The following ANKRD30A variants were observed in gnomAD, a reference collection of about 807,000 sequenced individuals.
ANKRD30A encodes ankyrin repeat domain 30A.
ANKRD30A carries 170 observed loss-of-function variants against 166.3 expected under a neutral mutation model. The ratio of observed to expected loss-of-function variants is 1.02; its 90% CI spans 0.90 to 1.16. The LOEUF is 1.16. Ranked by LOEUF, ANKRD30A falls within the 50% of genes most tolerant of loss-of-function variation. The pLI, the probability that ANKRD30A is intolerant of heterozygous loss-of-function variation, is 0.00. For missense variants in ANKRD30A, 1,630 were observed against 1,518.0 expected (o/e 1.07, Z -1.23); for synonymous variants, 564 against 508.9 (o/e 1.11, Z -1.46).
At position 37,162,820 on chromosome 10, in the gene ANKRD30A, A is replaced by T. The variant is rs1839036536; in HGVS notation, c.1974A>T (p.Glu658Asp). ...MQKSVPNKAL[E>D]LKNEQTLRAD... ...AGTCTGTCCCAAATAAAGCCTTGGAATTGAAAAATGAACAAACATTGAGAG... is the reference window on the plus strand; with the variant it reads ...AGTCTGTCCCAAATAAAGCCTTGGATTTGAAAAATGAACAAACATTGAGAG... Residue 658 changes from glutamate to aspartate, a missense_variant, in exon 17 of 36, where the codon GAA becomes GAT. Glu to Asp is a conservative substitution (Grantham distance 45, BLOSUM62 2). This residue lies in a region of ANKRD30A where 904 missense variants were observed against 818.5 expected (regional missense o/e 1.10). Transcript: ENST00000361713. 1 of 1,613,710 alleles carries T rather than the reference A, an allele frequency of 6.2e-7. No homozygotes were observed. The highest frequency in any genetic ancestry group is 2.2e-5 in the East Asian group (1 of 44,852).
At chr10:37,162,905 T>C (rs1588841077) in intron 17 of ANKRD30A, 57 bp downstream of exon 17, 2 of 1,579,998 alleles carry the variant, frequency 1.3e-6, no homozygotes, top group Non-Finnish European at 1.7e-6. Context: ...GACATTTTGA[T>C]GGTCTTTCTG....
chr10:37,148,817 A>G (rs1196791179), intron 9 of ANKRD30A, among the ~76,000 whole-genome samples: 13 of 152,110 alleles, frequency 8.5e-5, no homozygotes, highest in Non-Finnish European at 1.9e-4. Context: ...TTTTGGTAAA[A>G]TTGTCATTCC....
At chr10:37,254,017 C>T in the ANKRD30A span, among the ~76,000 whole-genome samples, 1 of 152,124 alleles carries the variant, frequency 6.6e-6, no homozygotes, top group Non-Finnish European at 1.5e-5. Context: ...TGTTTATGAC[C>T]TAATAAGTTT....
At chr10:37,238,853 C>T in the ANKRD30A span, among the ~76,000 whole-genome samples, 3 of 152,072 alleles carry the variant, frequency 2.0e-5, no homozygotes, top group African/African-American at 7.2e-5. Context: ...ATTTCCTTTA[C>T]AAGACCTCTC....
chr10:37,258,962 C>CAAAAAAAAA, the ANKRD30A span, among the ~76,000 whole-genome samples: 3 of 45,554 alleles, frequency 6.6e-5, no homozygotes, highest in Non-Finnish European at 1.3e-4. Flanking sequence ...GACTCCATCT[C>CAAAAAAAAA]AAAAAAAAAA....
chr10:37,202,260 A>C (rs933955113), intron 31 of ANKRD30A, among the ~76,000 whole-genome samples: 1 of 152,184 alleles, frequency 6.6e-6, no homozygotes, highest in Admixed American at 6.5e-5. Flanking sequence ...CAGCAAATGT[A>C]AAAGAACAGA....
chr10:37,236,019 C>T (rs1024291896), downstream of ANKRD30A, among the ~76,000 whole-genome samples: 17 of 152,096 alleles, frequency 1.1e-4, no homozygotes, highest in East Asian at 3.9e-4. Flanking sequence ...CTGCCTGCCT[C>T]GGCCTCCCAA....
At chr10:37,160,780 T>G (rs545998646) in intron 15 of ANKRD30A, among the ~76,000 whole-genome samples, 10 of 152,298 alleles carry the variant, frequency 6.6e-5, no homozygotes, top group Admixed American at 1.3e-4. Flanking sequence ...ATGGTCTCAT[T>G]TCTCATATAA....
chr10:37,131,799 T>C (rs1386351186), intron 3 of ANKRD30A, among the ~76,000 whole-genome samples: 1 of 152,210 alleles, frequency 6.6e-6, no homozygotes, highest in Non-Finnish European at 1.5e-5. Flanking sequence ...TTCTTGAACA[T>C]AGATAATGGT....
chr10:37,198,717 C>T (rs1194611711), intron 29 of ANKRD30A, among the ~76,000 whole-genome samples: 5 of 152,128 alleles, frequency 3.3e-5, no homozygotes, highest in South Asian at 2.1e-4. Context: ...GAAATATGAA[C>T]GTTAGCTATG....
At chr10:37,201,459 T>C in intron 31 of ANKRD30A, 134 bp downstream of exon 31, 1 of 572,822 alleles carries the variant, frequency 1.7e-6, no homozygotes, top group Non-Finnish European at 2.8e-6. Context: ...AGTGCAATGG[T>C]CATAAGTTAT....
intron 1 of ANKRD30A, among the ~76,000 whole-genome samples, chr10:37,127,368 C>T (rs1255368903): frequency 6.6e-6 from 1 of 152,006 alleles, no homozygotes; most frequent in African/African-American, 2.4e-5. Context: ...TACACAGATA[C>T]ATTTTTATCT....
the ANKRD30A span, among the ~76,000 whole-genome samples, chr10:37,240,134 G>T: frequency 8.6e-5 from 13 of 151,928 alleles, no homozygotes; most frequent in Admixed American, 5.2e-4. Context: ...AATTATTTTT[G>T]TACACATATT....
intron 27 of ANKRD30A, among the ~76,000 whole-genome samples, chr10:37,193,807 G>C (rs182430847): frequency 2.0e-5 from 3 of 152,114 alleles, no homozygotes; most frequent in East Asian, 1.9e-4. Flanking sequence ...AAAGCATTTG[G>C]CCTTGGTGTC....
chr10:37,192,116 A>C (rs535292071), intron 25 of ANKRD30A, among the ~76,000 whole-genome samples: 102 of 152,044 alleles, frequency 6.7e-4, no homozygotes, highest in East Asian at 3.9e-3. Context: ...GGCTCACTGC[A>C]ACCTCCACCT....
rs150128636 is a variant in ANKRD30A, at chr10:37,161,270, G to A, written c.1901-1379G>A. Among the ~76,000 whole-genome samples the A allele has an allele frequency of 2.8e-4, 42 of 152,176 alleles. No homozygotes were observed. The East Asian group carries it at 8.1e-3, about 29-fold the overall frequency. On this transcript the variant is annotated intron_variant, in intron 15 of 35. Transcript: ENST00000361713. ...CAAGACATAACATGGTCAGGAGAAT[G>A]CATTATATTGCTTTTATTTCTGGGT... is the stretch of plus-strand genomic sequence containing the variant.
downstream of ANKRD30A, among the ~76,000 whole-genome samples, chr10:37,237,378 T>A (rs1235260684): frequency 6.6e-6 from 1 of 152,162 alleles, no homozygotes; most frequent in Non-Finnish European, 1.5e-5. Context: ...TGCAACCATA[T>A]TATATAAAAC....
chr10:37,183,082 G>A (rs1348926853), intron 24 of ANKRD30A, among the ~76,000 whole-genome samples: 2 of 149,032 alleles, frequency 1.3e-5, no homozygotes, highest in Non-Finnish European at 3.0e-5. Flanking sequence ...ACTAAAAGTC[G>A]ACATTAAATG....
chr10:37,206,232 G>C (rs1841984535), intron 31 of ANKRD30A, among the ~76,000 whole-genome samples: 1 of 152,078 alleles, frequency 6.6e-6, no homozygotes, highest in African/African-American at 2.4e-5. Context: ...ACTTAATTTT[G>C]AGGTTTCTGA....
Sources: gnomAD v4.1 joint callset for allele counts (sites outside exome capture counted in the v4.1 genomes callset) on GRCh38, gnomAD v4.1.1 for gene constraint, gnomAD v4.1.1 regional missense constraint, MANE v1.5 for transcripts, NCBI Gene and HGNC (gene_info 2026-07-23, HGNC 2026-07-21) for gene names.